RHD: variants seen among roughly 807,000 people sequenced by gnomAD.
The protein encoded by RHD is blood group Rh(D) polypeptide.
In RHD, 16 loss-of-function variants were observed where a neutral mutation model predicts 45.5. The ratio of observed to expected loss-of-function variants is 0.35; its 90% CI spans 0.24 to 0.53. RHD has a LOEUF of 0.53. Among genes scored for constraint, RHD ranks in the 20% least tolerant of loss-of-function variants. The pLI is 0.92. For missense variants in RHD, 306 were observed against 532.0 expected, an observed-to-expected ratio of 0.58 and a Z score of 4.18; for synonymous variants, 131 against 217.5, an observed-to-expected ratio of 0.60 and a Z score of 3.50.
At chr1:25,276,979 A>G (rs1315952518) in intron 1 of RHD, among the ~76,000 whole-genome samples, 1 of 131,466 alleles carries the variant, frequency 7.6e-6, no homozygotes, top group South Asian at 2.3e-4. Flanking sequence ...AGGCAGGAGA[A>G]TGGCGTGAAC....
chr1:25,285,854 C>T (rs780160583), intron 2 of RHD, among the ~76,000 whole-genome samples: 2 of 134,754 alleles, frequency 1.5e-5, no homozygotes, highest in African/African-American at 2.6e-5. Flanking sequence ...TCTTAGGGAC[C>T]TCTCAAGGCC....
chr1:25,320,966 C>T (rs148084867), intron 8 of RHD, among the ~76,000 whole-genome samples: 72 of 131,108 alleles, frequency 5.5e-4, no homozygotes, highest in African/African-American at 1.7e-3. Context: ...GTTGCTTGAC[C>T]CCGGGAGTTT....
rs1180189529 is a variant in RHD at position 25,301,757 on chromosome 1, C to T, written c.801+71C>T. 68 of 1,094,832 alleles carry T rather than the reference C, an allele frequency of 6.2e-5. 13 individuals carry two copies. Among genetic ancestry groups the T allele is most frequent in the Non-Finnish European group, 8.8e-5 (64 of 724,124 alleles). The allele number at this position is 1,094,832 out of a possible 1,614,324, so 67.8% of individuals were successfully genotyped here. A position where few individuals can be genotyped will look rare whatever the true frequency, so the allele number is the denominator to read the frequency against. On this transcript the variant is annotated intron_variant, in intron 5 of 9. Transcript: ENST00000328664. The stretch of plus-strand genomic sequence containing the variant: ...TAGCACACATATTTATGCCCCTCCC[C>T]ACCCCAGGGCCAGCGTGGGTTGGGA...
intron 7 of RHD, among the ~76,000 whole-genome samples, chr1:25,310,210 C>A (rs1214641880): frequency 1.5e-5 from 2 of 133,282 alleles, no homozygotes; most frequent in African/African-American, 5.1e-5. Flanking sequence ...CCCCAAATTT[C>A]ATGTGCTGGA....
At chr1:25,285,145 T>C (rs552765155) in intron 2 of RHD, among the ~76,000 whole-genome samples, 1 of 133,248 alleles carries the variant, frequency 7.5e-6, no homozygotes, top group Admixed American at 7.2e-5. Context: ...TTTTTTTTTT[T>C]TTTTTTGAGA....
At chr1:25,319,198 G>A (rs115301997) in intron 8 of RHD, among the ~76,000 whole-genome samples, 4,087 of 132,324 alleles carry the variant, frequency 0.031, 712 homozygotes, top group African/African-American at 0.095. Context: ...AAAGTACCAG[G>A]AGGTCTTTTC....
At chr1:25,314,041 A>C (rs139202410) in intron 7 of RHD, among the ~76,000 whole-genome samples, 1,703 of 133,050 alleles carry the variant, frequency 0.013, 233 homozygotes, top group African/African-American at 0.04. Context: ...TATTGCTCCT[A>C]TGAACATTCT....
Position 25,297,096 on chromosome 1 carries a change from C to T in RHD, c.487-3850C>T, listed in dbSNP as rs1173855631. Among the ~76,000 whole-genome samples the T allele has an allele frequency of 4.0e-5, 5 of 123,568 alleles. 1 individual carries two copies. The highest frequency in any genetic ancestry group is 1.4e-4 in the African/African-American group (5 of 35,774). The allele number at this position is 123,568 out of a possible 152,430, so 81.1% of individuals were successfully genotyped here. A position where few individuals can be genotyped will look rare whatever the true frequency, so the allele number is the denominator to read the frequency against. The stretch of plus-strand genomic sequence containing the variant: ...TATTTTTTGTGGTCGAGGATTACAT[C>T]TTGCATTTAGTTCTCATGTCTTATT... On this transcript the variant is annotated intron_variant, in intron 3 of 9. Coordinates refer to ENST00000328664, the MANE Select transcript of RHD (RefSeq NM_016124.6).
Position 25,330,076 on chromosome 1 carries a change from A to G in RHD, c.*1152A>G, listed in dbSNP as rs1195040391. On this transcript the variant is annotated 3_prime_UTR_variant, in exon 10 of 10. Coordinates refer to ENST00000328664, the MANE Select transcript of RHD (RefSeq NM_016124.6). ...GGGAGAACCTGGTTGCAGGACAAAC[A>G]GACGGACAGCGTGTGGCAGTGTTTA... 1.5e-5 allele frequency: 2 copies of G among 132,910 alleles called. 1 individual carries two copies. The highest frequency in any genetic ancestry group is 3.6e-5 in the Non-Finnish European group (2 of 56,052). 8.2% of individuals were successfully genotyped at this position (132,910 alleles called of 1,614,324 possible).
At chr1:25,276,089 G>A (rs1293302631) in intron 1 of RHD, among the ~76,000 whole-genome samples, 1 of 131,676 alleles carries the variant, frequency 7.6e-6, no homozygotes, top group Non-Finnish European at 1.8e-5. Context: ...ATTCTAAAAA[G>A]ACATTTTGAG....
At position 25,320,580 on chromosome 1, in the gene RHD, T is replaced by C. The variant is rs1180320834; in HGVS notation, c.1154-1309T>C. On this transcript the variant is annotated intron_variant, in intron 8 of 9. Coordinates refer to ENST00000328664, the MANE Select transcript of RHD (RefSeq NM_016124.6). ...CTCACTAAGCACTCGCCCATTCTTG[T>C]TAACGACACTGGAACTGATCATCCT... Among the ~76,000 whole-genome samples the C allele has an allele frequency of 3.8e-5, 5 of 131,924 alleles. 1 individual carries two copies. Among genetic ancestry groups the C allele is most frequent in the Non-Finnish European group, 5.4e-5 (3 of 55,722 alleles). The allele number at this position is 131,924 out of a possible 152,430, so 86.5% of individuals were successfully genotyped here.
At chr1:25,293,445 T>C (rs1250786567) in intron 3 of RHD, among the ~76,000 whole-genome samples, 1 of 130,850 alleles carries the variant, frequency 7.6e-6, no homozygotes, top group Non-Finnish European at 1.8e-5. Flanking sequence ...AAATAACAAT[T>C]TATTACTTAT....
At position 25,329,120 on chromosome 1, in the gene RHD, G is replaced by T. The variant is rs1238690699; in HGVS notation, c.*196G>T. The T allele has an allele frequency of 7.5e-6, 9 of 1,205,062 alleles. 1 individual carries two copies. The East Asian group carries it at 2.2e-4, about 29-fold the overall frequency. The allele number at this position is 1,205,062 out of a possible 1,614,324, so 74.6% of individuals were successfully genotyped here. On this transcript the variant is annotated 3_prime_UTR_variant, in exon 10 of 10. Transcript: ENST00000328664. ...AGAATCTCACCATTTATTATGCACT[G>T]TAGAATACAACAATAAAATACAGCC...
rs2904825 is a variant in RHD, at chr1:25,278,855, G to A, written c.149-5718G>A. ...GTTTTTCTTCCCAGGCTGCTGGAGG[G>A]GTGAGAGTCGCCGGTAGAGTAGAGG... On this transcript the variant is annotated intron_variant, in intron 1 of 9. Coordinates refer to ENST00000328664, the MANE Select transcript of RHD (RefSeq NM_016124.6). Among the ~76,000 whole-genome samples the A allele has an allele frequency of 1.6e-5, 2 of 128,832 alleles. 1 individual carries two copies. The highest frequency in any genetic ancestry group is 5.3e-5 in the African/African-American group (2 of 37,566). The allele number at this position is 128,832 out of a possible 152,430, so 84.5% of individuals were successfully genotyped here.
rs201120463 is a variant in RHD, at chr1:25,303,306, C to T, written c.802-16C>T. 2.9e-3 allele frequency: 3,952 copies of T among 1,350,394 alleles called. 686 individuals are homozygous for T. In the African/African-American group the frequency reaches 0.042, roughly 14 times the overall value. 83.7% of individuals were successfully genotyped at this position (1,350,394 alleles called of 1,614,324 possible). A position where few individuals can be genotyped will look rare whatever the true frequency, so the allele number is the denominator to read the frequency against. On this transcript the variant is annotated splice_polypyrimidine_tract_variant and intron_variant, in intron 5 of 9. Coordinates refer to ENST00000328664, the MANE Select transcript of RHD (RefSeq NM_016124.6). Reference sequence around the variant, plus strand: ...CTCTACCTTGCTTCCTTTACCCACACGCTATTTCTTTGCAGACTTATGTGC... The same window carrying T: ...CTCTACCTTGCTTCCTTTACCCACATGCTATTTCTTTGCAGACTTATGTGC...
chr1:25,302,044 C>T (rs1643430075), intron 5 of RHD, among the ~76,000 whole-genome samples: 1 of 130,410 alleles, frequency 7.7e-6, no homozygotes. Flanking sequence ...TCTCTTCCCC[C>T]CAACAAATTT....
At position 25,273,084 on chromosome 1, in the gene RHD, A is replaced by C. The variant is rs188269931; in HGVS notation, c.148+389A>C. Among the ~76,000 whole-genome samples, 168 of 130,888 alleles carry C rather than the reference A, an allele frequency of 1.3e-3. 41 individuals are homozygous for C. Among genetic ancestry groups the C allele is most frequent in the Non-Finnish European group, 3.6e-4 (20 of 55,314 alleles). 85.9% of individuals were successfully genotyped at this position (130,888 alleles called of 152,430 possible). A position where few individuals can be genotyped will look rare whatever the true frequency, so the allele number is the denominator to read the frequency against. The stretch of plus-strand genomic sequence containing the variant: ...CAAGTGCAGCTATCTTATGCAAGCA[A>C]TTTCATGTTGTTGGGTTTTTGGTTT... On this transcript the variant is annotated intron_variant, in intron 1 of 9. Transcript: ENST00000328664.
rs1641581692 is a variant in RHD, at chr1:25,282,535, AT to A, written c.149-2035del. On this transcript the variant is annotated intron_variant, in intron 1 of 9. Coordinates refer to ENST00000328664, the MANE Select transcript of RHD (RefSeq NM_016124.6). ...TGTCCAAAAGAGTCAACTGGTGGCA[AT>A]TTAGTGAGGTTTAATCTAATAGGAA... Among the ~76,000 whole-genome samples, 2 of 132,336 alleles carry A rather than the reference AT, an allele frequency of 1.5e-5. 1 individual carries two copies. Among genetic ancestry groups the A allele is most frequent in the African/African-American group, 5.2e-5 (2 of 38,830 alleles). The allele number at this position is 132,336 out of a possible 152,430, so 86.8% of individuals were successfully genotyped here. A position where few individuals can be genotyped will look rare whatever the true frequency, so the allele number is the denominator to read the frequency against.
intron 7 of RHD, among the ~76,000 whole-genome samples, chr1:25,308,406 GC>G (rs1643962006): frequency 8.1e-6 from 1 of 123,184 alleles, no homozygotes; most frequent in Admixed American, 8.0e-5. Context: ...GTTTGAACAA[GC>G]CCCACAAGTG....
Sources: allele counts gnomAD v4.1 joint callset (sites outside exome capture counted in the v4.1 genomes callset), GRCh38; gene constraint gnomAD v4.1.1; transcripts MANE v1.5; gene names NCBI Gene and HGNC (gene_info 2026-07-23, HGNC 2026-07-21).